The following USH2A variants were observed in gnomAD, a reference collection of about 807,000 sequenced individuals.
USH2A encodes usherin, also known as Usher syndrome 2A (autosomal recessive, mild).
In USH2A, 443 loss-of-function variants were observed where a neutral mutation model predicts 538.9. The ratio of observed to expected loss-of-function variants is 0.82; its 90% CI spans 0.76 to 0.89. The LOEUF is 0.89. Among genes scored for constraint, USH2A ranks in the 40% least tolerant of loss-of-function variants. The probability of loss-of-function intolerance (pLI) is 0.00; values close to 1 mark genes in which losing one functional copy is unlikely to be tolerated. For missense variants in USH2A, 6,633 were observed against 6,324.8 expected, an observed-to-expected ratio of 1.05 and a Z score of -1.65; for synonymous variants, 2,413 against 2,273.5, an observed-to-expected ratio of 1.06 and a Z score of -1.75.
chr1:216,322,554 C>T lies in USH2A; in HGVS notation c.1551-578G>A, dbSNP rs555506164. Among the ~76,000 whole-genome samples the T allele has an allele frequency of 4.7e-5, 7 of 149,050 alleles. No individual in the cohort carries two copies. The East Asian group carries it at 1.4e-3, about 29-fold the overall frequency. ...GCCCAGAAGTCGAGGTTGCAACGAG[C>T]CATGATCATGCCATTGCATGCCAGC... is the stretch of plus-strand genomic sequence containing the variant. On this transcript the variant is annotated intron_variant, in intron 8 of 71. Transcript: ENST00000307340.
intron 4 of USH2A, among the ~76,000 whole-genome samples, chr1:216,336,691 G>A (rs183857240): frequency 7.7e-4 from 116 of 151,434 alleles, no homozygotes; most frequent in Middle Eastern, 3.4e-3. Flanking sequence ...TTCCAAGAAC[G>A]GTCCTGGAAT....
chr1:216,249,093 AG>A (rs752935036), intron 12 of USH2A, among the ~76,000 whole-genome samples: 18 of 152,190 alleles, frequency 1.2e-4, no homozygotes, highest in Non-Finnish European at 2.5e-4. Context: ...CATATTAACA[AG>A]GTGAAATTGA....
At position 216,293,545 on chromosome 1, in the gene USH2A, G is replaced by A. The variant is rs115066854; in HGVS notation, c.1645-1175C>T. On this transcript the variant is annotated intron_variant, in intron 9 of 71. Coordinates refer to ENST00000307340, the MANE Select transcript of USH2A (RefSeq NM_206933.4). ...ACCTTCACTAAGTAGCTCTGGCTACGTATTCAGAATCTCTCAAACCTCAGT... is the reference window on the plus strand; with the variant it reads ...ACCTTCACTAAGTAGCTCTGGCTACATATTCAGAATCTCTCAAACCTCAGT... Among the ~76,000 whole-genome samples the A allele has an allele frequency of 2.4e-3, 373 of 152,284 alleles. 1 individual carries two copies. The highest frequency in any genetic ancestry group is 8.6e-3 in the African/African-American group (357 of 41,556).
At chr1:216,406,583 TG>T (rs1038089957) in intron 3 of USH2A, among the ~76,000 whole-genome samples, 90 of 152,306 alleles carry the variant, frequency 5.9e-4, no homozygotes, top group African/African-American at 2.1e-3. Flanking sequence ...GTTTTCAAAG[TG>T]TATGGGGTCT....
chr1:215,995,468 C>A (rs989390019), intron 34 of USH2A, among the ~76,000 whole-genome samples: 1 of 152,078 alleles, frequency 6.6e-6, no homozygotes, highest in Non-Finnish European at 1.5e-5. Flanking sequence ...TATCTTAGTT[C>A]CTTTGATGGG....
intron 21 of USH2A, among the ~76,000 whole-genome samples, chr1:216,150,800 G>T (rs999784335): frequency 6.6e-6 from 1 of 151,854 alleles, no homozygotes; most frequent in East Asian, 1.9e-4. Flanking sequence ...TGTATCTCTC[G>T]GCAAAGACCC....
chr1:215,658,636 C>T (rs552498638), intron 64 of USH2A, among the ~76,000 whole-genome samples: 5 of 152,296 alleles, frequency 3.3e-5, no homozygotes, highest in South Asian at 2.1e-4. Flanking sequence ...TAGAGCCCTG[C>T]GTGGACTGGC....
At chr1:216,000,666 G>T (rs1270024249) in intron 32 of USH2A, 104 bp from the exon 33 acceptor site, 2 of 1,396,582 alleles carry the variant, frequency 1.4e-6, no homozygotes, top group Non-Finnish European at 2.0e-6. Context: ...TTAAGATAAG[G>T]CTTAAAATAT....
rs565719491 is a variant in USH2A, at chr1:216,322,790, T to G, written c.1550+684A>C. 1.2e-4 allele frequency among the ~76,000 whole-genome samples: 19 copies of G among 152,268 alleles called. No homozygotes were observed. The South Asian group carries it at 3.9e-3, about 32-fold the overall frequency. On this transcript the variant is annotated intron_variant, in intron 8 of 71. Coordinates refer to ENST00000307340, the MANE Select transcript of USH2A (RefSeq NM_206933.4). ...ATGCTTATATACTGGTATTTTGGTC[T>G]GCTTTTAAAGACATATTTTATTCAC...
Position 216,244,879 on chromosome 1 carries a change from G to T in USH2A, c.2809+1706C>A, listed in dbSNP as rs538245546. On this transcript the variant is annotated intron_variant, in intron 13 of 71. Transcript: ENST00000307340. ...GACTTGTATTATACATACAATTAAAGTTAGACTGGAACAGTAAATTTTAAC... is the reference window on the plus strand; with the variant it reads ...GACTTGTATTATACATACAATTAAATTTAGACTGGAACAGTAAATTTTAAC... Among the ~76,000 whole-genome samples, 264 of 152,194 alleles carry T rather than the reference G, an allele frequency of 1.7e-3. 1 individual carries two copies. Among genetic ancestry groups the T allele is most frequent in the African/African-American group, 5.8e-3 (240 of 41,548 alleles).
intron 50 of USH2A, among the ~76,000 whole-genome samples, chr1:215,796,253 TGCAGAGAC>T (rs1662131074): frequency 6.6e-6 from 1 of 151,246 alleles, no homozygotes; most frequent in Admixed American, 6.6e-5. Flanking sequence ...TACTGCACTT[TGCAGAGAC>T]TGCATTTTTT....
intron 44 of USH2A, among the ~76,000 whole-genome samples, chr1:215,848,099 C>T (rs1365995159): frequency 6.6e-6 from 1 of 152,016 alleles, no homozygotes; most frequent in Non-Finnish European, 1.5e-5. Context: ...TATTAAAATC[C>T]CTTAACATTT....
chr1:216,038,870 T>G (rs1207967793), intron 32 of USH2A, among the ~76,000 whole-genome samples: 1 of 152,058 alleles, frequency 6.6e-6, no homozygotes, highest in Non-Finnish European at 1.5e-5. Context: ...TTAACTCCAT[T>G]GCTTTTCTAA....
intron 3 of USH2A, among the ~76,000 whole-genome samples, chr1:216,393,214 G>C (rs1289125615): frequency 6.6e-6 from 1 of 152,128 alleles, no homozygotes; most frequent in African/African-American, 2.4e-5. Context: ...ACTTATTCGA[G>C]TGTGCTACTA....
intron 61 of USH2A, among the ~76,000 whole-genome samples, chr1:215,723,362 C>T (rs1392206276): frequency 6.6e-6 from 1 of 152,182 alleles, no homozygotes; most frequent in Non-Finnish European, 1.5e-5. Flanking sequence ...CCCCCACTGC[C>T]AGTTCTCCAT....
chr1:216,261,454 A>G (rs78259737), intron 11 of USH2A, among the ~76,000 whole-genome samples: 2,174 of 151,366 alleles, frequency 0.014, 17 homozygotes, highest in South Asian at 0.021. Flanking sequence ...ATATCCAAAA[A>G]AAAAAAAAAA....
chr1:215,675,482 C>T lies in USH2A; in HGVS notation c.12429G>A (p.Ser4143=), dbSNP rs766310214. The change falls in exon 63 of 72, where the codon TCG becomes TCA. Residue 4143 remains serine (S), a synonymous_variant. Transcript: ENST00000307340. ...CATCTGTCCACAGAGGCTGAGGCGC[C>T]GAGTGTGCACAACCTGCTCTGGTGC... The part of the protein sequence containing the change: ...EACTRAGCAH[S]APQPLWTDEA... The T allele has an allele frequency of 3.8e-5, 62 of 1,613,880 alleles. No individual in the cohort carries two copies. The Admixed American group carries it at 6.0e-4, about 16-fold the overall frequency.
intron 11 of USH2A, among the ~76,000 whole-genome samples, chr1:216,251,637 G>A: frequency 6.6e-6 from 1 of 151,726 alleles, no homozygotes; most frequent in East Asian, 1.9e-4. Context: ...TTTTAGCAGA[G>A]GCGAGGTTTC....
chr1:216,132,480 C>T (rs2033396177), intron 21 of USH2A, among the ~76,000 whole-genome samples: 1 of 152,050 alleles, frequency 6.6e-6, no homozygotes, highest in South Asian at 2.1e-4. Context: ...CCTGCAGAGC[C>T]AGCCCTAGGC....
Sources: allele counts gnomAD v4.1 joint callset (sites outside exome capture counted in the v4.1 genomes callset), GRCh38; gene constraint gnomAD v4.1.1; transcripts MANE v1.5; gene names NCBI Gene and HGNC (gene_info 2026-07-23, HGNC 2026-07-21).